The following CNBD2 variants were observed in gnomAD, a reference collection of about 807,000 sequenced individuals.
CNBD2 encodes the protein cyclic nucleotide binding domain containing 2, also known as cyclic nucleotide-binding domain-containing protein 2.
CNBD2 carries 64 observed loss-of-function variants against 63.7 expected under a neutral mutation model. That is an observed-to-expected ratio of 1.00 (90% CI 0.82 to 1.24). CNBD2 has a LOEUF of 1.24. CNBD2 is among the 50% of genes most tolerant of loss of function. The pLI is 0.00. For synonymous variants in CNBD2, 229 were observed against 255.4 expected (o/e 0.90, Z 0.99); for missense variants, 691 against 713.5 (o/e 0.97, Z 0.36).
intron 4 of CNBD2, among the ~76,000 whole-genome samples, chr20:35,981,871 T>C (rs1483635739): frequency 1.3e-5 from 2 of 152,178 alleles, no homozygotes; most frequent in Non-Finnish European, 2.9e-5. Context: ...TCTGATCCCT[T>C]CCCTCAGGAG....
chr20:35,985,799 T>G (rs139886608), intron 6 of CNBD2, among the ~76,000 whole-genome samples: 161 of 152,272 alleles, frequency 1.1e-3, no homozygotes, highest in African/African-American at 3.7e-3. Flanking sequence ...AAACTATAAT[T>G]CTTGATTGCA....
chr20:36,002,904 A>G (rs1393015768), intron 8 of CNBD2, among the ~76,000 whole-genome samples: 1 of 152,074 alleles, frequency 6.6e-6, no homozygotes, highest in Non-Finnish European at 1.5e-5. Flanking sequence ...TTACAATCCA[A>G]TATATTATTG....
chr20:36,000,725 ATT>A (rs111889182), intron 8 of CNBD2, among the ~76,000 whole-genome samples: 1 of 119,650 alleles, frequency 8.4e-6, no homozygotes, highest in African/African-American at 3.0e-5. Context: ...CGCCTGGCTA[ATT>A]TTTTTTTTTT....
At chr20:36,001,300 C>A (rs2056896212) in intron 8 of CNBD2, among the ~76,000 whole-genome samples, 1 of 151,228 alleles carries the variant, frequency 6.6e-6, no homozygotes. Context: ...CTCCTCACTT[C>A]CCAGTAGGGG....
At chr20:36,019,034 T>C (rs1279022116) in intron 10 of CNBD2, among the ~76,000 whole-genome samples, 1 of 152,204 alleles carries the variant, frequency 6.6e-6, no homozygotes, top group African/African-American at 2.4e-5. Context: ...TAGACTGACG[T>C]AATTCCTGCC....
rs1316460049 is a variant in CNBD2, at chr20:36,011,355, A to G, written c.1269+98A>G. On this transcript the variant is annotated intron_variant, in intron 10 of 11. Coordinates refer to ENST00000373973, the MANE Select transcript of CNBD2 (RefSeq NM_001365709.1). Reference sequence around the variant, plus strand: ...TAAAGGTTTAAAAACACTTCCCTCCATATTTGATATTAAGGAATTATGTTG... The same window carrying G: ...TAAAGGTTTAAAAACACTTCCCTCCGTATTTGATATTAAGGAATTATGTTG... 6 of 1,308,404 alleles carry G rather than the reference A, an allele frequency of 4.6e-6. No homozygotes were observed. In the East Asian group the frequency reaches 1.1e-4, roughly 24 times the overall value. 81.0% of individuals were successfully genotyped at this position (1,308,404 alleles called of 1,614,324 possible).
At chr20:36,029,947 A>G (rs558557592) in intron 11 of CNBD2, among the ~76,000 whole-genome samples, 6 of 152,324 alleles carry the variant, frequency 3.9e-5, no homozygotes, top group Non-Finnish European at 8.8e-5. Flanking sequence ...TCCTGTCTCT[A>G]CAGACCTGCC....
chr20:36,021,090 A>G (rs1166077503), intron 10 of CNBD2, among the ~76,000 whole-genome samples: 1 of 152,234 alleles, frequency 6.6e-6, no homozygotes, highest in South Asian at 2.1e-4. Context: ...ACAGGCGAGC[A>G]ATGGCCCAGG....
At chr20:35,964,675 G>C (rs1273925482), upstream of CNBD2, among the ~76,000 whole-genome samples, 1 of 151,572 alleles carries the variant, frequency 6.6e-6, no homozygotes, top group Admixed American at 6.6e-5. Context: ...GATTATAGGC[G>C]TGAGCCACTG....
At chr20:35,960,082 G>A (rs2056294306), downstream of CNBD2, among the ~76,000 whole-genome samples, 2 of 152,204 alleles carry the variant, frequency 1.3e-5, no homozygotes, top group Non-Finnish European at 2.9e-5. Flanking sequence ...GATAGCAAGA[G>A]CTTGGATGGT....
chr20:35,956,434 C>T (rs1005432212), downstream of CNBD2, among the ~76,000 whole-genome samples: 1 of 152,196 alleles, frequency 6.6e-6, no homozygotes, highest in Non-Finnish European at 1.5e-5. Context: ...TGAGTAGAGA[C>T]GACTTCCTTT....
At chr20:36,029,786 G>A (rs1267434126) in intron 11 of CNBD2, among the ~76,000 whole-genome samples, 2 of 152,180 alleles carry the variant, frequency 1.3e-5, no homozygotes, top group African/African-American at 4.8e-5. Context: ...GAGTACAGGT[G>A]AGTTAGTTGA....
chr20:36,004,663 C>A (rs905267120), intron 8 of CNBD2, among the ~76,000 whole-genome samples: 2 of 151,850 alleles, frequency 1.3e-5, no homozygotes, highest in Non-Finnish European at 2.9e-5. Flanking sequence ...ACCTCCTGGG[C>A]TCAAGCAGTC....
At position 36,023,732 on chromosome 20, in the gene CNBD2, T is replaced by G. The variant is rs773240516; in HGVS notation, c.1400T>G (p.Met467Arg). 6.2e-7 allele frequency: 1 copy of G among 1,613,272 alleles called. No individual in the cohort carries two copies. The highest frequency in any genetic ancestry group is 2.2e-5 in the East Asian group (1 of 44,802). The change falls in exon 11 of 12, where the codon ATG (methionine) becomes AGG (arginine). Residue 467 changes from methionine to arginine, a missense_variant. Physicochemically the swap from Met to Arg is moderately conservative, Grantham distance 91. Transcript: ENST00000373973. ...FYELIDNDDEMIKKLLKLNIA... is the reference protein window; with the variant it reads ...FYELIDNDDERIKKLLKLNIA... ...GAACTGATTGACAATGATGACGAGA[T>G]GATAAAAAAGTTGTTAAAGCTCAAT... is the stretch of plus-strand genomic sequence containing the variant.
chr20:35,975,587 AC>A (rs1384787192), intron 2 of CNBD2, among the ~76,000 whole-genome samples: 2 of 152,140 alleles, frequency 1.3e-5, no homozygotes, highest in Non-Finnish European at 2.9e-5. Context: ...GGCGTGAGCC[AC>A]CGCGCCCAGC....
upstream of CNBD2, among the ~76,000 whole-genome samples, chr20:35,967,998 C>T (rs1427977621): frequency 6.6e-6 from 1 of 152,156 alleles, no homozygotes; most frequent in Non-Finnish European, 1.5e-5. Flanking sequence ...TAGTGCTTCT[C>T]CTTGTGGGGC....
chr20:36,029,115 A>G (rs1448622185), intron 11 of CNBD2, among the ~76,000 whole-genome samples: 3 of 152,190 alleles, frequency 2.0e-5, no homozygotes, highest in Non-Finnish European at 2.9e-5. Flanking sequence ...TGTGACCATC[A>G]GCATCAGGAA....
intron 8 of CNBD2, among the ~76,000 whole-genome samples, chr20:36,003,405 T>C (rs1271274697): frequency 6.6e-6 from 1 of 152,218 alleles, no homozygotes; most frequent in Non-Finnish European, 1.5e-5. Context: ...AACGTTAAGA[T>C]GTAGTTACTT....
Position 35,968,674 on chromosome 20 carries a change from C to A in CNBD2, c.-89C>A, listed in dbSNP as rs1325535218. Reference sequence around the variant, plus strand: ...TGTTACTGAGGAAATCTATTTGTTTCTAGTATTACTGGATTTTTGGGGAAA... The same window carrying A: ...TGTTACTGAGGAAATCTATTTGTTTATAGTATTACTGGATTTTTGGGGAAA... On this transcript the variant is annotated 5_prime_UTR_variant, in exon 1 of 12. Coordinates refer to ENST00000373973, the MANE Select transcript of CNBD2 (RefSeq NM_001365709.1). 4 of 921,624 alleles carry A rather than the reference C, an allele frequency of 4.3e-6. No homozygotes were observed. Among genetic ancestry groups the A allele is most frequent in the Non-Finnish European group, 6.9e-6 (4 of 581,010 alleles). The allele number at this position is 921,624 out of a possible 1,614,324, so 57.1% of individuals were successfully genotyped here. A position where few individuals can be genotyped will look rare whatever the true frequency, so the allele number is the denominator to read the frequency against.
Sources: gnomAD v4.1 joint callset for allele counts (sites outside exome capture counted in the v4.1 genomes callset) on GRCh38, gnomAD v4.1.1 for gene constraint, MANE v1.5 for transcripts, NCBI Gene and HGNC (gene_info 2026-07-23, HGNC 2026-07-21) for gene names.